The following RMND5A variants were observed in gnomAD, a reference collection of about 807,000 sequenced individuals.
RMND5A encodes the protein E3 ubiquitin-protein transferase RMND5A.
A neutral mutation model predicts 49.7 loss-of-function variants in RMND5A; 17 were observed. The ratio of observed to expected loss-of-function variants is 0.34; its 90% confidence interval spans 0.23 to 0.51. RMND5A has a LOEUF of 0.51. RMND5A is among the 20% of genes least tolerant of loss of function. RMND5A has a pLI of 0.96. For missense variants in RMND5A, 255 were observed against 471.3 expected (o/e 0.54, Z 4.25); for synonymous variants, 156 against 167.7 (o/e 0.93, Z 0.54).
chr2:86,777,445 C>G lies in RMND5A; in HGVS notation c.*4034C>G, dbSNP rs1220830931. On this transcript the variant is annotated 3_prime_UTR_variant, in exon 9 of 9. Transcript: ENST00000283632. ...TGCATGTGTCTGAAGTTCACCATTG[C>G]CCCCACCTGCACCTAGCAAGGAACA... is the stretch of plus-strand genomic sequence containing the variant. 1 of 152,048 alleles carries G rather than the reference C, an allele frequency of 6.6e-6. No individual in the cohort carries two copies. The highest frequency in any genetic ancestry group is 1.9e-4 in the East Asian group (1 of 5,186). The allele number at this position is 152,048 out of a possible 1,614,324, so 9.4% of individuals were successfully genotyped here. A position where few individuals can be genotyped will look rare whatever the true frequency, so the allele number is the denominator to read the frequency against.
chr2:86,744,650 A>G (rs559907226), intron 2 of RMND5A, among the ~76,000 whole-genome samples: 1 of 152,336 alleles, frequency 6.6e-6, no homozygotes, highest in South Asian at 2.1e-4. Flanking sequence ...TAAGCAGAAT[A>G]GAAGTTTCTG....
chr2:86,771,011 C>T (rs1573447687), intron 7 of RMND5A, among the ~76,000 whole-genome samples: 1 of 152,150 alleles, frequency 6.6e-6, no homozygotes, highest in African/African-American at 2.4e-5. Context: ...CTTGTTCTTC[C>T]AGCAGGTAAC....
intron 2 of RMND5A, among the ~76,000 whole-genome samples, chr2:86,747,373 GTGTT>G (rs1424902373): frequency 6.6e-6 from 1 of 152,156 alleles, no homozygotes; most frequent in Non-Finnish European, 1.5e-5. Context: ...TGAGAGGTGT[GTGTT>G]TGTTTCAAAC....
chr2:86,752,131 A>G, intron 3 of RMND5A, 101 bp downstream of exon 3: 1 of 1,039,820 alleles, frequency 9.6e-7, no homozygotes, highest in Non-Finnish European at 1.3e-6. Flanking sequence ...CTCTAGCTAT[A>G]GATAGATTTT....
chr2:86,765,647 A>G, intron 5 of RMND5A: 1 of 518,354 alleles, frequency 1.9e-6, no homozygotes, highest in Non-Finnish European at 3.4e-6. Flanking sequence ...TTAAATTATA[A>G]GTTCAGTATT....
intron 6 of RMND5A, among the ~76,000 whole-genome samples, chr2:86,767,425 CTTTT>C (rs11468234): frequency 1.9e-4 from 27 of 139,576 alleles, no homozygotes; most frequent in East Asian, 6.1e-4. Flanking sequence ...TTTTGGCAGT[CTTTT>C]TTTTTTTTTT....
intron 6 of RMND5A, among the ~76,000 whole-genome samples, chr2:86,769,118 T>C (rs1672645592): frequency 6.6e-6 from 1 of 152,118 alleles, no homozygotes; most frequent in Admixed American, 6.5e-5. Flanking sequence ...CTAATTTTTA[T>C]ATCTTTTGTA....
chr2:86,773,389 A>G lies in RMND5A; in HGVS notation c.1154A>G (p.Asp385Gly). ...PYCPMEQSPG[D>G]AKQIFF ...TGTCCAATGGAACAAAGTCCAGGAG[A>G]TGCCAAACAGATATTTTTCTGAAGA... Residue 385 changes from aspartate to glycine, a missense_variant, in exon 9 of 9, where the codon GAT (aspartate) becomes GGT (glycine). Physicochemically the swap from Asp to Gly is moderately conservative, Grantham distance 94. Transcript: ENST00000283632. 1 of 1,607,824 alleles carries G rather than the reference A, an allele frequency of 6.2e-7. No individual in the cohort carries two copies. Among genetic ancestry groups the G allele is most frequent in the Non-Finnish European group, 8.5e-7 (1 of 1,174,426 alleles).
At chr2:86,764,984 C>T (rs1024972246) in intron 4 of RMND5A, 43 bp from the exon 5 acceptor site, 1 of 1,558,776 alleles carries the variant, frequency 6.4e-7, no homozygotes, top group African/African-American at 1.4e-5. Flanking sequence ...AGACACCTTG[C>T]TTATGCTTTT....
At position 86,753,526 on chromosome 2, in the gene RMND5A, A is replaced by G. The variant is rs1681674980; in HGVS notation, c.489A>G (p.Ala163=). 6.2e-7 allele frequency: 1 copy of G among 1,610,916 alleles called. No homozygotes were observed. Among genetic ancestry groups the G allele is most frequent in the Non-Finnish European group, 8.5e-7 (1 of 1,177,458 alleles). ...PFVELNRILE[A]LKVRVLRPAL... ...TGGAGTTAAATAGAATATTAGAGGC[A>G]TTAAAGGTCAGAGTTCTGAGACCTG... Residue 163 remains alanine, a synonymous_variant, in exon 4 of 9, where the codon GCA becomes GCG. Transcript: ENST00000283632.
At chr2:86,750,029 A>G (rs1184490124) in intron 2 of RMND5A, among the ~76,000 whole-genome samples, 1 of 152,240 alleles carries the variant, frequency 6.6e-6, no homozygotes, top group Non-Finnish European at 1.5e-5. Context: ...TGGACTGTAT[A>G]TTTAAGCAGT....
At chr2:86,765,244 C>G in intron 5 of RMND5A, 51 bp downstream of exon 5, 1 of 1,470,162 alleles carries the variant, frequency 6.8e-7, no homozygotes, top group Non-Finnish European at 9.3e-7. Flanking sequence ...CTATAGCCAC[C>G]ACTGTAACTT....
At chr2:86,771,010 C>T (rs73947262) in intron 7 of RMND5A, among the ~76,000 whole-genome samples, 8,584 of 152,190 alleles carry the variant, frequency 0.056, 736 homozygotes, top group African/African-American at 0.19. Flanking sequence ...CCTTGTTCTT[C>T]CAGCAGGTAA....
chr2:86,763,756 G>A (rs969299260), intron 4 of RMND5A, among the ~76,000 whole-genome samples: 1 of 151,800 alleles, frequency 6.6e-6, no homozygotes, highest in Admixed American at 6.6e-5. Flanking sequence ...AGCCTGGGTG[G>A]CAGAGTGAGA....
rs777397689 is a variant in RMND5A at position 86,770,125 on chromosome 2, T to C, written c.957T>C (p.Pro319=). The change falls in exon 7 of 9, where the codon CCT becomes CCC. Residue 319 remains proline (P), a splice_region_variant and synonymous_variant. Coordinates refer to ENST00000283632, the MANE Select transcript of RMND5A (RefSeq NM_022780.4). ...TGVWNQKDEL[P]IEVDLGKKCW... is the part of the protein sequence containing the mutation. Reference sequence around the variant, plus strand: ...TTTGGAACCAGAAAGATGAATTACCTGTGAGTTCCATTTTCTATTGGCTAT... The same window carrying C: ...TTTGGAACCAGAAAGATGAATTACCCGTGAGTTCCATTTTCTATTGGCTAT... The C allele has an allele frequency of 1.8e-5, 29 of 1,595,528 alleles. No individual in the cohort carries two copies. The highest frequency in any genetic ancestry group is 2.5e-5 in the Non-Finnish European group (29 of 1,163,064).
Position 86,727,625 on chromosome 2 carries a change from G to A in RMND5A, c.142+6816G>A, listed in dbSNP as rs1205733447. Among the ~76,000 whole-genome samples the A allele has an allele frequency of 2.6e-5, 2 of 77,312 alleles. 1 individual carries two copies. Among genetic ancestry groups the A allele is most frequent in the Admixed American group, 3.0e-4 (2 of 6,710 alleles). The allele number at this position is 77,312 out of a possible 152,430, so 50.7% of individuals were successfully genotyped here. On this transcript the variant is annotated intron_variant, in intron 1 of 8. Coordinates refer to ENST00000283632, the MANE Select transcript of RMND5A (RefSeq NM_022780.4). The stretch of plus-strand genomic sequence containing the variant: ...TAGGGCCCTGCTTCTTCATCTGTAA[G>A]GCTTCCAAAATCTTTAAAAATGATC...
Position 86,770,017 on chromosome 2 carries a change from T to C in RMND5A, c.855-6T>C, listed in dbSNP as rs142158385. 0.018 allele frequency: 28,973 copies of C among 1,611,456 alleles called. 325 individuals are homozygous for C. Among genetic ancestry groups the C allele is most frequent in the Middle Eastern group, 0.029 (171 of 5,974 alleles). The stretch of plus-strand genomic sequence containing the variant: ...GGCACTGACGTTTCCTCTTCTGCTC[T>C]CCCAGTTTCTCAGCAGGTTGTGTGG... On this transcript the variant is annotated splice_polypyrimidine_tract_variant and splice_region_variant and intron_variant, in intron 6 of 8. Coordinates refer to ENST00000283632, the MANE Select transcript of RMND5A (RefSeq NM_022780.4).
Position 86,775,477 on chromosome 2 carries a change from T to G in RMND5A, c.*2066T>G, listed in dbSNP as rs1215637905. ...CTCTGAAGGCTGGTGGTAAATGTGT[T>G]TGATGACCAGACTCTTCATACAGTC... On this transcript the variant is annotated 3_prime_UTR_variant, in exon 9 of 9. Coordinates refer to ENST00000283632, the MANE Select transcript of RMND5A (RefSeq NM_022780.4). The G allele has an allele frequency of 1.3e-5, 2 of 152,098 alleles. No individual in the cohort carries two copies. Among genetic ancestry groups the G allele is most frequent in the Non-Finnish European group, 2.9e-5 (2 of 68,016 alleles). 9.4% of individuals were successfully genotyped at this position (152,098 alleles called of 1,614,324 possible). A position where few individuals can be genotyped will look rare whatever the true frequency, so the allele number is the denominator to read the frequency against.
At chr2:86,771,737 G>A (rs1672688760) in intron 8 of RMND5A, 25 bp downstream of exon 8, 1 of 1,582,108 alleles carries the variant, frequency 6.3e-7, no homozygotes, top group Non-Finnish European at 8.6e-7. Context: ...TTTAAAAAAT[G>A]TTAGCAAATA....
Sources: gnomAD v4.1 joint callset for allele counts (sites outside exome capture counted in the v4.1 genomes callset) on GRCh38, gnomAD v4.1.1 for gene constraint, MANE v1.5 for transcripts, NCBI Gene and HGNC (gene_info 2026-07-23, HGNC 2026-07-21) for gene names.